Variants in KRI1 observed in about 807,000 individuals in gnomAD.
The protein encoded by KRI1 is protein KRI1 homolog.
KRI1 carries 83 observed loss-of-function variants against 97.0 expected under a neutral mutation model. The observed-to-expected ratio is 0.86, with a 90% CI of 0.72 to 1.03. The LOEUF (loss-of-function observed/expected upper bound fraction) is 1.03. KRI1 is among the 50% of genes least tolerant of loss of function. KRI1 has a pLI of 0.00. For synonymous variants in KRI1, 371 were observed against 363.5 expected (o/e 1.02, Z -0.23); for missense variants, 916 against 928.4 (o/e 0.99, Z 0.17).
chr19:10,565,538 T>G, intron 2 of KRI1, 179 bp downstream of exon 2: 1 of 744,450 alleles, frequency 1.3e-6, no homozygotes. Context: ...ATAACGGGGA[T>G]TTGGCTCCCC....
In KRI1 at chr19:10,565,041, C is replaced by T; in HGVS notation, c.169-7G>A. On this transcript the variant is annotated splice_polypyrimidine_tract_variant and splice_region_variant and intron_variant, in intron 2 of 18. Transcript: ENST00000312962. ...CCTGCTGGGGATCAAATTCCTAGGG[C>T]AGGAAAAGGGTTGGGGATAGATTTC... is the stretch of plus-strand genomic sequence containing the variant. 1 of 1,585,018 alleles carries T rather than the reference C, an allele frequency of 6.3e-7. No individual in the cohort carries two copies. Among genetic ancestry groups the T allele is most frequent in the East Asian group, 2.2e-5 (1 of 44,702 alleles).
At position 10,553,103 on chromosome 19, in the gene KRI1, ATTT is replaced by A. The variant is rs546774525; in HGVS notation, c.*845_*847del. The stretch of plus-strand genomic sequence containing the variant: ...TGAGGGGAAAGATACAACACTATTT[ATTT>A]TTTTATTTATGTCATGTCGGGTGTG... On this transcript the variant is annotated 3_prime_UTR_variant, in exon 19 of 19. Coordinates refer to ENST00000312962, the MANE Select transcript of KRI1 (RefSeq NM_023008.5). The A allele has an allele frequency of 3.9e-4, 609 of 1,548,372 alleles. 3 individuals carry two copies. The Admixed American group carries it at 0.011, about 28-fold the overall frequency.
At chr19:10,554,768 A>T (rs1916444352) in intron 18 of KRI1, among the ~76,000 whole-genome samples, 1 of 152,144 alleles carries the variant, frequency 6.6e-6, no homozygotes, top group South Asian at 2.1e-4. Context: ...GACTGGGCGA[A>T]AGCAATCCTA....
intron 7 of KRI1, 23 bp from the exon 8 acceptor site, chr19:10,561,103 C>T (rs1916683591): frequency 6.2e-7 from 1 of 1,613,462 alleles, no homozygotes; most frequent in Admixed American, 1.7e-5. Context: ...TAGCACTGAG[C>T]ATCCGCAGAT....
At position 10,557,826 on chromosome 19, in the gene KRI1, T is replaced by G. The variant is rs762191306; in HGVS notation, c.1429A>C (p.Lys477Gln). ...KREAPLTGKK[K>Q]RKSPFAAAVG... ...GCCGCGGCGAAGGGCGACTTGCGCT[T>G]CTTCTTGCCCGTCAAGGGGGCCTCG... is the stretch of plus-strand genomic sequence containing the variant. The change falls in exon 15 of 19, where the codon AAG becomes CAG. Residue 477 changes from lysine (K) to glutamine (Q), a missense_variant. Lys to Gln is a moderately conservative substitution (Grantham distance 53, BLOSUM62 1). Coordinates refer to ENST00000312962, the MANE Select transcript of KRI1 (RefSeq NM_023008.5). 34 of 1,613,382 alleles carry G rather than the reference T, an allele frequency of 2.1e-5. No individual in the cohort carries two copies. The highest frequency in any genetic ancestry group is 2.0e-4 in the East Asian group (9 of 44,896).
At chr19:10,555,260 G>T in intron 17 of KRI1, 25 bp downstream of exon 17, 1 of 1,613,170 alleles carries the variant, frequency 6.2e-7, no homozygotes. Context: ...TGCGCATGTG[G>T]CCCCGCCGCG....
chr19:10,561,871 G>A (rs777560223), intron 4 of KRI1, 26 bp from the exon 5 acceptor site: 84 of 1,610,368 alleles, frequency 5.2e-5, no homozygotes, highest in Non-Finnish European at 6.5e-5. Context: ...GGGGTCTTCA[G>A]AATATATCTT....
At position 10,561,820 on chromosome 19, in the gene KRI1, C is replaced by A; in HGVS notation, c.409G>T (p.Asp137Tyr). 3 of 1,613,996 alleles carry A rather than the reference C, an allele frequency of 1.9e-6. No individual in the cohort carries two copies. The highest frequency in any genetic ancestry group is 2.5e-6 in the Non-Finnish European group (3 of 1,179,920). ...AGTCTGTGATTGGAAGTCTCCCCGT[C>A]TGAGTTCTCCTCATCAACATATTTG... ...AGKYVDEENSDGETSNHRLQE... is the reference protein window; with the variant it reads ...AGKYVDEENSYGETSNHRLQE... The change falls in exon 5 of 19, where the codon GAC (aspartate) becomes TAC (tyrosine). Residue 137 changes from aspartate to tyrosine, a missense_variant. Asp to Tyr is a radical substitution (Grantham distance 160, BLOSUM62 -3). This residue lies in a region of KRI1 where 71 missense variants were observed against 108.1 expected (regional missense o/e 0.66). Transcript: ENST00000312962.
At chr19:10,559,784 A>G (rs777935058) in intron 10 of KRI1, 26 bp downstream of exon 10, 19 of 1,613,476 alleles carry the variant, frequency 1.2e-5, no homozygotes, top group Admixed American at 1.7e-5. Context: ...CTGGGGGCTG[A>G]GTCCTCCCCA....
intron 16 of KRI1, among the ~76,000 whole-genome samples, chr19:10,555,774 T>C (rs6511703): frequency 0.22 from 33,572 of 152,118 alleles, 3,864 homozygotes; most frequent in Middle Eastern, 0.29. Context: ...GAGGAAGTGA[T>C]TGAATGCCGA....
chr19:10,560,632 C>A (rs1222848743), intron 8 of KRI1, among the ~76,000 whole-genome samples, 184 bp from the exon 9 acceptor site: 2 of 152,184 alleles, frequency 1.3e-5, no homozygotes, highest in African/African-American at 4.8e-5. Flanking sequence ...GTCGTGTGAT[C>A]ATAGCTCACT....
chr19:10,557,560 T>C lies in KRI1; in HGVS notation c.1609A>G (p.Thr537Ala). Residue 537 changes from threonine to alanine, a missense_variant, in exon 16 of 19, where the codon ACT (threonine) becomes GCT (alanine). Thr to Ala is a moderately conservative substitution (Grantham distance 58). This residue lies in a region of KRI1 where 672 missense variants were observed against 667.2 expected (regional missense o/e 1.01). Coordinates refer to ENST00000312962, the MANE Select transcript of KRI1 (RefSeq NM_023008.5). The stretch of plus-strand genomic sequence containing the variant: ...CTGCCCGGGGCCCCTACCTCCTCAG[T>C]GCTGAGGCCAAAGTCACAGGGCACC... ...TVVPCDFGLS[T>A]EEILAADDKE... is the part of the protein sequence containing the mutation. The C allele has an allele frequency of 1.2e-6, 2 of 1,613,978 alleles. No homozygotes were observed. Among genetic ancestry groups the C allele is most frequent in the Non-Finnish European group, 1.7e-6 (2 of 1,179,898 alleles).
chr19:10,563,505 C>T (rs995918630), intron 3 of KRI1, among the ~76,000 whole-genome samples: 1 of 151,424 alleles, frequency 6.6e-6, no homozygotes, highest in African/African-American at 2.4e-5. Context: ...ACCACCACGC[C>T]CAGCTAATTT....
At chr19:10,554,321 G>C (rs779001725) in intron 18 of KRI1, 40 bp from the exon 19 acceptor site, 1 of 1,546,686 alleles carries the variant, frequency 6.5e-7, no homozygotes, top group Admixed American at 1.7e-5. Context: ...GGCCTGTCAA[G>C]ATCAGGCCCA....
At chr19:10,554,505 C>G (rs543839229) in intron 18 of KRI1, among the ~76,000 whole-genome samples, 1 of 152,176 alleles carries the variant, frequency 6.6e-6, no homozygotes, top group Non-Finnish European at 1.5e-5. Context: ...GGTATTTGTG[C>G]CTGGGCCTGC....
At chr19:10,560,229 C>G in intron 9 of KRI1, 83 bp downstream of exon 9, 1 of 1,481,384 alleles carries the variant, frequency 6.8e-7, no homozygotes, top group South Asian at 1.3e-5. Context: ...ACATGGTGCC[C>G]TCTGCCTCCT....
chr19:10,565,218 G>C, intron 2 of KRI1, 184 bp from the exon 3 acceptor site: 1 of 625,636 alleles, frequency 1.6e-6, no homozygotes, highest in Non-Finnish European at 2.8e-6. Flanking sequence ...GCAGGCCACA[G>C]GTAGGTACAG....
chr19:10,555,173 C>G lies in KRI1; in HGVS notation c.1695G>C (p.Glu565Asp). 6.2e-7 allele frequency: 1 copy of G among 1,614,224 alleles called. No homozygotes were observed. Among genetic ancestry groups the G allele is most frequent in the Non-Finnish European group, 8.5e-7 (1 of 1,180,026 alleles). The change falls in exon 18 of 19, where the codon GAG (glutamate) becomes GAC (aspartate). Residue 565 changes from glutamate (E) to aspartate (D), a missense_variant. By Grantham distance (45) the Glu-to-Asp change is conservative. Around this residue, in one of 3 missense-constraint regions of KRI1, gnomAD observed 672 missense variants for 667.2 expected, o/e 1.01. Coordinates refer to ENST00000312962, the MANE Select transcript of KRI1 (RefSeq NM_023008.5). ...TGTACGCCCGCTTGTCCCGCAGCTC[C>G]TCCTGCTCTGACCTGCAGACAGATG... Reference protein sequence around the residue: ...KKTCMYRSEQEELRDKRAYSQ... With the variant: ...KKTCMYRSEQDELRDKRAYSQ...
chr19:10,565,817 C>CCCA (rs1555750210), intron 1 of KRI1, 27 bp from the exon 2 acceptor site: 47 of 1,552,658 alleles, frequency 3.0e-5, no homozygotes, highest in South Asian at 7.1e-5. Flanking sequence ...GGATGCCCCC[C>CCCA]CCCAGGTCAG....
Sources: gnomAD v4.1 joint callset for allele counts (sites outside exome capture counted in the v4.1 genomes callset) on GRCh38, gnomAD v4.1.1 for gene constraint, gnomAD v4.1.1 regional missense constraint, MANE v1.5 for transcripts, NCBI Gene and HGNC (gene_info 2026-07-23, HGNC 2026-07-21) for gene names.